STAM2: variants seen among roughly 807,000 people sequenced by gnomAD.
STAM2 encodes signal transducing adapter molecule 2.
Under a neutral mutation model 65.6 loss-of-function variants are expected in STAM2, and 51 were observed. That is an observed-to-expected ratio of 0.78 (90% confidence interval 0.62 to 0.98). The LOEUF is 0.98. Among genes scored for constraint, STAM2 ranks in the 50% least tolerant of loss-of-function variants. The probability of loss-of-function intolerance (pLI) is 0.00; values close to 1 mark genes in which losing one functional copy is unlikely to be tolerated. For synonymous variants in STAM2, 198 were observed against 208.4 expected (o/e 0.95, Z 0.43); for missense variants, 584 against 617.8 (o/e 0.95, Z 0.58).
intron 7 of STAM2, among the ~76,000 whole-genome samples, chr2:152,141,302 G>A (rs1283966459): frequency 3.3e-5 from 5 of 151,996 alleles, no homozygotes; most frequent in East Asian, 2.0e-4. Flanking sequence ...TTGGGAGGCC[G>A]AGATGGGCAG....
At chr2:152,162,160 GCT>G (rs1689691101) in intron 1 of STAM2, among the ~76,000 whole-genome samples, 1 of 152,146 alleles carries the variant, frequency 6.6e-6, no homozygotes, top group African/African-American at 2.4e-5. Flanking sequence ...CCTACTTACA[GCT>G]CTGAGTACTG....
chr2:152,153,954 A>G (rs190852768), intron 1 of STAM2, among the ~76,000 whole-genome samples: 6 of 152,234 alleles, frequency 3.9e-5, no homozygotes, highest in Admixed American at 3.9e-4. Context: ...AAATTAAATA[A>G]AATAGTATAA....
At chr2:152,155,893 T>A (rs1461253128) in intron 1 of STAM2, among the ~76,000 whole-genome samples, 1 of 152,186 alleles carries the variant, frequency 6.6e-6, no homozygotes, top group African/African-American at 2.4e-5. Flanking sequence ...TTTTTACGAA[T>A]TTTTTGTCAG....
At position 152,170,974 on chromosome 2, in the gene STAM2, C is replaced by T. The variant is rs772346874; in HGVS notation, c.40+4629G>A. 1.2e-4 allele frequency among the ~76,000 whole-genome samples: 18 copies of T among 151,678 alleles called. No homozygotes were observed. The East Asian group carries it at 2.1e-3, about 18-fold the overall frequency. On this transcript the variant is annotated intron_variant, in intron 1 of 13. Transcript: ENST00000263904. ...TTACACCACTGCACTCCAGCCTGGG[C>T]GACAGAGCAAGACTCCGTCTCAAAA...
At chr2:152,158,474 T>TA (rs1689594215) in intron 1 of STAM2, among the ~76,000 whole-genome samples, 1 of 149,492 alleles carries the variant, frequency 6.7e-6, no homozygotes, top group Admixed American at 6.6e-5. Context: ...AGATTCCATC[T>TA]CAAAAAAAAA....
chr2:152,121,160 G>T (rs903989792), intron 13 of STAM2, among the ~76,000 whole-genome samples: 1 of 152,106 alleles, frequency 6.6e-6, no homozygotes, highest in Non-Finnish European at 1.5e-5. Flanking sequence ...TTGTTGTAGA[G>T]ACTGGGTCTT....
chr2:152,120,959 T>C (rs1238855215), intron 13 of STAM2, among the ~76,000 whole-genome samples, 157 bp from the exon 14 acceptor site: 1 of 152,214 alleles, frequency 6.6e-6, no homozygotes, highest in South Asian at 2.1e-4. Flanking sequence ...CATTGAATAC[T>C]GTTAATCAAA....
intron 6 of STAM2, chr2:152,144,662 C>T (rs1440785045): frequency 2.6e-6 from 1 of 385,628 alleles, no homozygotes; most frequent in East Asian, 5.3e-5. Flanking sequence ...CCTCAGCCTC[C>T]CGAGTAGTTG....
Position 152,126,463 on chromosome 2 carries a change from A to C in STAM2, c.1026-84T>G, listed in dbSNP as rs1688965598. On this transcript the variant is annotated intron_variant, in intron 11 of 13. Coordinates refer to ENST00000263904, the MANE Select transcript of STAM2 (RefSeq NM_005843.6). ...ATAAATTATTTTTTTAATTTAGCACAATTTCTATTAATATATTAAAAGGCT... is the reference window on the plus strand; with the variant it reads ...ATAAATTATTTTTTTAATTTAGCACCATTTCTATTAATATATTAAAAGGCT... The C allele has an allele frequency of 3.6e-6, 3 of 824,896 alleles. No homozygotes were observed. The South Asian group carries it at 1.4e-4, about 39-fold the overall frequency. 51.1% of individuals were successfully genotyped at this position (824,896 alleles called of 1,614,324 possible).
intron 13 of STAM2, among the ~76,000 whole-genome samples, chr2:152,123,308 G>C (rs1171991304): frequency 6.6e-6 from 1 of 151,772 alleles, no homozygotes; most frequent in Admixed American, 6.6e-5. Flanking sequence ...GAAGACGGAG[G>C]TTGCAGTAAG....
At chr2:152,147,115 C>T (rs764826941) in intron 5 of STAM2, 47 bp downstream of exon 5, 4 of 1,526,106 alleles carry the variant, frequency 2.6e-6, no homozygotes, top group South Asian at 1.3e-5. Flanking sequence ...ACATACATAC[C>T]TTCAAAATAT....
At chr2:152,148,818 A>C (rs1002101085) in intron 2 of STAM2, among the ~76,000 whole-genome samples, 1 of 152,194 alleles carries the variant, frequency 6.6e-6, no homozygotes, top group Non-Finnish European at 1.5e-5. Flanking sequence ...TGTGTATTCC[A>C]AAATTAAGAG....
chr2:152,153,254 T>G (rs1184782228), intron 1 of STAM2, among the ~76,000 whole-genome samples: 3 of 152,204 alleles, frequency 2.0e-5, no homozygotes, highest in Non-Finnish European at 2.9e-5. Flanking sequence ...CTCTTTATTA[T>G]ATATACCTTG....
Position 152,135,581 on chromosome 2 carries a change from C to T in STAM2, c.727G>A (p.Glu243Lys). The T allele has an allele frequency of 6.2e-7, 1 of 1,611,826 alleles. No homozygotes were observed. The highest frequency in any genetic ancestry group is 8.5e-7 in the Non-Finnish European group (1 of 1,179,052). The change falls in exon 8 of 14, where the codon GAA becomes AAA. Residue 243 changes from glutamate to lysine, a missense_variant. By Grantham distance (56) the Glu-to-Lys change is moderately conservative (BLOSUM62 1). Transcript: ENST00000263904. The stretch of plus-strand genomic sequence containing the variant: ...AAAAGTCCTATTCCTCTGTGATTTT[C>T]TCCTTTCCACCAATTGGCATCACTA... ...DDSDANWWKG[E>K]NHRGIGLFPS... is the part of the protein sequence containing the mutation.
At chr2:152,147,739 G>A (rs4664535) in intron 4 of STAM2, among the ~76,000 whole-genome samples, 35,390 of 151,992 alleles carry the variant, frequency 0.23, 4,210 homozygotes, top group Admixed American at 0.31. Flanking sequence ...AATGCTCCAA[G>A]GGTAGTTAAG....
intron 13 of STAM2, among the ~76,000 whole-genome samples, chr2:152,121,066 C>T (rs940520315): frequency 5.9e-5 from 9 of 152,008 alleles, no homozygotes; most frequent in African/African-American, 1.9e-4. Flanking sequence ...TGGGCTCAAG[C>T]AATCCTCCTG....
intron 11 of STAM2, among the ~76,000 whole-genome samples, chr2:152,126,852 G>A (rs189891147): frequency 6.6e-5 from 10 of 152,276 alleles, no homozygotes; most frequent in Non-Finnish European, 1.2e-4. Context: ...GACTGACTGT[G>A]GGCGGAGTCT....
At chr2:152,126,445 A>AT (rs1688965331) in intron 11 of STAM2, 66 bp from the exon 12 acceptor site, 3 of 1,011,110 alleles carry the variant, frequency 3.0e-6, no homozygotes, top group East Asian at 3.2e-5. Context: ...AATATAAATT[A>AT]TTTTTTTAAT....
At chr2:152,122,941 C>T (rs1233291721) in intron 13 of STAM2, among the ~76,000 whole-genome samples, 1 of 151,786 alleles carries the variant, frequency 6.6e-6, no homozygotes, top group East Asian at 1.9e-4. Context: ...GTGGTGCTTG[C>T]CTGTAGTCCC....
Sources: gnomAD v4.1 joint callset for allele counts (sites outside exome capture counted in the v4.1 genomes callset) on GRCh38, gnomAD v4.1.1 for gene constraint, MANE v1.5 for transcripts, NCBI Gene and HGNC (gene_info 2026-07-23, HGNC 2026-07-21) for gene names.